The following NXPH4 variants were observed in gnomAD, a reference collection of about 807,000 sequenced individuals.
The protein encoded by NXPH4 is neurexophilin-4.
A neutral mutation model predicts 21.3 loss-of-function variants in NXPH4; 8 were observed. The observed-to-expected ratio is 0.38, with a 90% CI of 0.22 to 0.68. The LOEUF is 0.68. Among genes scored for constraint, NXPH4 ranks in the 30% least tolerant of loss-of-function variants. The pLI is 0.53. For synonymous variants in NXPH4, 219 were observed against 192.6 expected, an observed-to-expected ratio of 1.14 and a Z score of -1.13; for missense variants, 418 against 416.8, an observed-to-expected ratio of 1.00 and a Z score of -0.03.
chr12:57,225,048 G>A lies in NXPH4; in HGVS notation c.228G>A (p.Ala76=). Residue 76 remains alanine, a synonymous_variant, in exon 2 of 2, where the codon GCG becomes GCA. Transcript: ENST00000349394. ...CCTGGCCGACCAACCACACGGGGGCGCTGGCCCGGGCAGGGGCAGCCGGGG... is the reference window on the plus strand; with the variant it reads ...CCTGGCCGACCAACCACACGGGGGCACTGGCCCGGGCAGGGGCAGCCGGGG... ...SWAWPTNHTG[A]LARAGAAGAL... 3 of 1,474,744 alleles carry A rather than the reference G, an allele frequency of 2.0e-6. No individual in the cohort carries two copies. Among genetic ancestry groups the A allele is most frequent in the South Asian group, 1.3e-5 (1 of 74,858 alleles). 91.4% of individuals were successfully genotyped at this position (1,474,744 alleles called of 1,614,324 possible).
chr12:57,219,594 C>T (rs2037070906), intron 1 of NXPH4, among the ~76,000 whole-genome samples: 1 of 152,212 alleles, frequency 6.6e-6, no homozygotes, highest in Non-Finnish European at 1.5e-5. Context: ...GCTACCCCCT[C>T]CTGCCTCCAC....
At chr12:57,223,820 A>C (rs1429601519) in intron 1 of NXPH4, among the ~76,000 whole-genome samples, 1 of 152,070 alleles carries the variant, frequency 6.6e-6, no homozygotes, top group Non-Finnish European at 1.5e-5. Context: ...CTGCCTCTCG[A>C]TCCATCTTGT....
Position 57,217,009 on chromosome 12 carries a change from C to T in NXPH4, c.40C>T (p.Pro14Ser), listed in dbSNP as rs763777178. 10 of 1,607,216 alleles carry T rather than the reference C, an allele frequency of 6.2e-6. No individual in the cohort carries two copies. The highest frequency in any genetic ancestry group is 1.7e-4 in the Middle Eastern group (1 of 5,716). The stretch of plus-strand genomic sequence containing the variant: ...GGAATGGTTCCTCTTGCTCTTTGGC[C>T]CGTGGCTCCTTAGGAAGGTAAGAGT... ...LPEWFLLLFGPWLLRKAVSAQ... is the reference protein window; with the variant it reads ...LPEWFLLLFGSWLLRKAVSAQ... The change falls in exon 1 of 2, where the codon CCG (proline) becomes TCG (serine). Residue 14 changes from proline (P) to serine (S), a missense_variant. Pro to Ser is a moderately conservative substitution (Grantham distance 74). Transcript: ENST00000349394.
chr12:57,221,058 C>A (rs559689406), intron 1 of NXPH4, among the ~76,000 whole-genome samples: 2 of 152,216 alleles, frequency 1.3e-5, no homozygotes, highest in Admixed American at 1.3e-4. Context: ...GCTTCTCATC[C>A]CTGTCCCCAG....
chr12:57,222,618 A>G (rs2037102441), intron 1 of NXPH4, among the ~76,000 whole-genome samples: 4 of 150,786 alleles, frequency 2.7e-5, no homozygotes, highest in Admixed American at 2.6e-4. Context: ...AGGAAACCTA[A>G]CCTCCCTCCC....
chr12:57,225,248 A>G lies in NXPH4; in HGVS notation c.428A>G (p.Asn143Ser). ...ACCTTCAGTGTGTATTTCCGCCACA[A>G]CTCGTCCAGCCTGGGCAACCTCAGT... ...NGTFSVYFRH[N>S]SSSLGNLSVS... Residue 143 changes from asparagine (N) to serine (S), a missense_variant, in exon 2 of 2, where the codon AAC becomes AGC. Coordinates refer to ENST00000349394, the MANE Select transcript of NXPH4 (RefSeq NM_007224.4). The G allele has an allele frequency of 6.4e-7, 1 of 1,551,462 alleles. No homozygotes were observed. Among genetic ancestry groups the G allele is most frequent in the Non-Finnish European group, 8.7e-7 (1 of 1,150,264 alleles).
At chr12:57,224,741 G>A (rs2037124656) in intron 1 of NXPH4, 137 bp from the exon 2 acceptor site, 2 of 424,704 alleles carry the variant, frequency 4.7e-6, no homozygotes, top group Non-Finnish European at 4.1e-6. Context: ...TCCAAGGCAC[G>A]CTCCCTGCCC....
chr12:57,223,769 T>C (rs1162605259), intron 1 of NXPH4, among the ~76,000 whole-genome samples: 3 of 152,178 alleles, frequency 2.0e-5, no homozygotes, highest in Admixed American at 6.5e-5. Flanking sequence ...CACTCACCCC[T>C]ACCCCAGATA....
intron 1 of NXPH4, among the ~76,000 whole-genome samples, chr12:57,219,616 G>GC (rs1302994744): frequency 5.3e-5 from 8 of 152,260 alleles, no homozygotes; most frequent in African/African-American, 1.7e-4. Flanking sequence ...CCCTCCTCTA[G>GC]CCCCCCAGCT....
At chr12:57,217,922 T>C (rs941927318) in intron 1 of NXPH4, among the ~76,000 whole-genome samples, 2 of 152,306 alleles carry the variant, frequency 1.3e-5, no homozygotes, top group African/African-American at 4.8e-5. Flanking sequence ...TGGTGTGGTG[T>C]GTGGTGTTGG....
chr12:57,217,027 G>C lies in NXPH4; in HGVS notation c.57+1G>C, dbSNP rs371735726. 6.2e-7 allele frequency: 1 copy of C among 1,605,416 alleles called. No individual in the cohort carries two copies. Among genetic ancestry groups the C allele is most frequent in the Non-Finnish European group, 8.5e-7 (1 of 1,176,458 alleles). ...CTTTGGCCCGTGGCTCCTTAGGAAG[G>C]TAAGAGTGGCAGGGCTGGGGCGCTA... On this transcript the variant is annotated splice_donor_variant, in intron 1 of 1. Transcript: ENST00000349394. LOFTEE classifies it high-confidence loss of function.
At chr12:57,223,823 C>T (rs1308582016) in intron 1 of NXPH4, among the ~76,000 whole-genome samples, 7 of 152,268 alleles carry the variant, frequency 4.6e-5, no homozygotes, top group African/African-American at 1.7e-4. Flanking sequence ...CCTCTCGATC[C>T]ATCTTGTCCT....
Position 57,225,705 on chromosome 12 carries a change from C to T in NXPH4, c.885C>T (p.Cys295=), listed in dbSNP as rs553122758. The part of the protein sequence containing the change: ...SFDYKLVQKV[C]PDYNFQSEHP... ...ACTACAAACTGGTGCAGAAGGTGTG[C>T]CCAGACTATAACTTCCAGAGTGAGC... is the stretch of plus-strand genomic sequence containing the variant. The change falls in exon 2 of 2, where the codon TGC becomes TGT. Residue 295 remains cysteine (C), a synonymous_variant. Transcript: ENST00000349394. The T allele has an allele frequency of 1.9e-6, 3 of 1,613,806 alleles. No homozygotes were observed. The highest frequency in any genetic ancestry group is 2.2e-5 in the East Asian group (1 of 44,876).
At chr12:57,217,169 C>A in intron 1 of NXPH4, 143 bp downstream of exon 1, 1 of 721,640 alleles carries the variant, frequency 1.4e-6, no homozygotes, top group Non-Finnish European at 2.2e-6. Flanking sequence ...AGCGGACAGA[C>A]AGACTGCCCG....
In NXPH4 at chr12:57,216,839, GCTCCCGCC is replaced by G. The variant is rs2037042233; in HGVS notation, c.-130_-123del. ...CGCCCAGTCCGCGGGCCGCGCCGCC[GCTCCCGCC>G]GCTCCCGCCGCTCCCGCCGCTCCCG... On this transcript the variant is annotated 5_prime_UTR_variant, in exon 1 of 2. Coordinates refer to ENST00000349394, the MANE Select transcript of NXPH4 (RefSeq NM_007224.4). This position sits in a 1 kb window ranked among gnomAD's most constrained non-coding sequence, Gnocchi z 5.3. 1 of 1,908 alleles carries G rather than the reference GCTCCCGCC, an allele frequency of 5.2e-4. No homozygotes were observed. The highest frequency in any genetic ancestry group is 7.8e-4 in the African/African-American group (1 of 1,288). The allele number at this position is 1,908 out of a possible 1,614,324, so 0.1% of individuals were successfully genotyped here.
chr12:57,216,848 G>A lies in NXPH4; in HGVS notation c.-122G>A. The stretch of plus-strand genomic sequence containing the variant: ...CGCGGGCCGCGCCGCCGCTCCCGCC[G>A]CTCCCGCCGCTCCCGCCGCTCCCGC... On this transcript the variant is annotated 5_prime_UTR_variant, in exon 1 of 2. Coordinates refer to ENST00000349394, the MANE Select transcript of NXPH4 (RefSeq NM_007224.4). The surrounding 1 kb of genome is among the most constrained non-coding windows in gnomAD (Gnocchi z 5.3). 2.5e-6 allele frequency: 1 copy of A among 404,406 alleles called. No individual in the cohort carries two copies. Among genetic ancestry groups the A allele is most frequent in the Non-Finnish European group, 3.2e-6 (1 of 308,858 alleles). 25.1% of individuals were successfully genotyped at this position (404,406 alleles called of 1,614,324 possible).
rs541178578 is a variant in NXPH4 at position 57,225,135 on chromosome 12, C to T, written c.315C>T (p.Ile105=). 1 of 1,554,166 alleles carries T rather than the reference C, an allele frequency of 6.4e-7. No individual in the cohort carries two copies. The highest frequency in any genetic ancestry group is 8.7e-7 in the Non-Finnish European group (1 of 1,150,916). The change falls in exon 2 of 2, where the codon ATC becomes ATT. Residue 105 remains isoleucine, a synonymous_variant. Transcript: ENST00000349394. ...PSIKAARAKK[I]FGWGDFYFRV... ...TCAAGGCGGCGCGCGCCAAAAAGAT[C>T]TTCGGCTGGGGGGACTTCTACTTTC...
intron 1 of NXPH4, among the ~76,000 whole-genome samples, chr12:57,218,983 TTG>T (rs55836402): frequency 0.53 from 80,464 of 151,596 alleles, 23,396 homozygotes; most frequent in South Asian, 0.74. Flanking sequence ...TTCTGTGTGC[TTG>T]TGATTGTGAG....
intron 1 of NXPH4, among the ~76,000 whole-genome samples, chr12:57,224,017 G>T (rs534807193): frequency 5.4e-4 from 83 of 152,384 alleles, no homozygotes; most frequent in Non-Finnish European, 9.0e-4. Flanking sequence ...CTGGTTCCCA[G>T]CACTCACTCC....
Sources: allele counts gnomAD v4.1 joint callset (sites outside exome capture counted in the v4.1 genomes callset), GRCh38; gene constraint gnomAD v4.1.1; non-coding constraint Gnocchi (gnomAD v3.1); transcripts MANE v1.5; gene names NCBI Gene and HGNC (gene_info 2026-07-23, HGNC 2026-07-21).